The following BANK1 variants were observed in gnomAD, a reference collection of about 807,000 sequenced individuals.
BANK1 encodes the protein B-cell scaffold protein with ankyrin repeats.
Under a neutral mutation model 94.5 loss-of-function variants are expected in BANK1, and 95 were observed. That is an observed-to-expected ratio of 1.00 (90% confidence interval 0.85 to 1.19). The LOEUF (loss-of-function observed/expected upper bound fraction) is 1.19, where lower values mean the gene tolerates loss of function less well. Among genes scored for constraint, BANK1 ranks in the 50% most tolerant of loss-of-function variants. BANK1 has a pLI of 0.00. For synonymous variants in BANK1, 334 were observed against 308.4 expected (o/e 1.08, Z -0.87); for missense variants, 987 against 932.2 (o/e 1.06, Z -0.77).
chr4:101,939,501 T>C (rs1374587181), intron 7 of BANK1, among the ~76,000 whole-genome samples: 3 of 151,724 alleles, frequency 2.0e-5, no homozygotes, highest in Non-Finnish European at 4.4e-5. Context: ...GCCTCCATCT[T>C]GTAGCAGCAT....
intron 7 of BANK1, among the ~76,000 whole-genome samples, chr4:101,947,059 C>A (rs1251663768): frequency 6.6e-6 from 1 of 151,516 alleles, no homozygotes; most frequent in Non-Finnish European, 1.5e-5. Flanking sequence ...TCAACACTCA[C>A]AGGACAGATT....
chr4:101,934,362 T>C (rs1184205580), intron 7 of BANK1, among the ~76,000 whole-genome samples: 2 of 151,350 alleles, frequency 1.3e-5, no homozygotes, highest in African/African-American at 4.8e-5. Context: ...GACCTTGACA[T>C]ACTAAGAAGC....
chr4:101,901,083 G>A (rs1722267438), intron 6 of BANK1, among the ~76,000 whole-genome samples: 1 of 152,152 alleles, frequency 6.6e-6, no homozygotes, highest in Non-Finnish European at 1.5e-5. Flanking sequence ...AAAATAACTT[G>A]TGATATACAC....
chr4:101,835,585 C>A (rs567943041), intron 2 of BANK1, among the ~76,000 whole-genome samples: 1 of 152,262 alleles, frequency 6.6e-6, no homozygotes, highest in Admixed American at 6.5e-5. Context: ...AGTAATGTAA[C>A]AGTAGAATTA....
At chr4:101,939,656 G>A (rs1311771047) in intron 7 of BANK1, among the ~76,000 whole-genome samples, 10 of 151,740 alleles carry the variant, frequency 6.6e-5, no homozygotes, top group Non-Finnish European at 1.5e-5. Context: ...CAGCCACATG[G>A]TCCCAGCTTA....
intron 1 of BANK1, among the ~76,000 whole-genome samples, chr4:101,826,089 C>A (rs1285268530): frequency 6.6e-6 from 1 of 151,996 alleles, no homozygotes; most frequent in Non-Finnish European, 1.5e-5. Context: ...TCTGTAAATT[C>A]TTCATAGATT....
At chr4:101,846,854 A>C (rs745692572) in intron 2 of BANK1, among the ~76,000 whole-genome samples, 3 of 152,212 alleles carry the variant, frequency 2.0e-5, no homozygotes, top group African/African-American at 4.8e-5. Flanking sequence ...AGTAGTGATC[A>C]AGGTTCTCTG....
At chr4:101,819,494 A>G (rs1726056464) in intron 1 of BANK1, among the ~76,000 whole-genome samples, 1 of 152,186 alleles carries the variant, frequency 6.6e-6, no homozygotes, top group African/African-American at 2.4e-5. Flanking sequence ...TAGGCTATAC[A>G]TTTCAGGTTT....
At chr4:101,827,946 T>A (rs568306001) in intron 1 of BANK1, among the ~76,000 whole-genome samples, 2 of 152,108 alleles carry the variant, frequency 1.3e-5, no homozygotes, top group Admixed American at 1.3e-4. Context: ...AAACATAAGA[T>A]AAGTATTTGT....
intron 5 of BANK1, among the ~76,000 whole-genome samples, chr4:101,893,567 C>G (rs1438783713): frequency 6.6e-6 from 1 of 151,994 alleles, no homozygotes; most frequent in African/African-American, 2.4e-5. Flanking sequence ...GTTTGTATCA[C>G]TAAAACACTT....
At chr4:102,062,901 T>C in intron 12 of BANK1, 174 bp from the exon 13 acceptor site, 1 of 570,122 alleles carries the variant, frequency 1.8e-6, no homozygotes, top group South Asian at 2.3e-5. Context: ...TTCATTAAGC[T>C]GTGAGAATTA....
intron 6 of BANK1, among the ~76,000 whole-genome samples, chr4:101,915,173 A>G (rs771731231): frequency 7.2e-5 from 11 of 152,198 alleles, no homozygotes; most frequent in Non-Finnish European, 1.5e-4. Flanking sequence ...ACATAGGTTT[A>G]ATAACCGATT....
intron 7 of BANK1, among the ~76,000 whole-genome samples, chr4:102,007,081 A>AATATAT (rs1227368517): frequency 1.5e-5 from 1 of 64,908 alleles, no homozygotes; most frequent in Non-Finnish European, 4.0e-5. Flanking sequence ...TATATATATA[A>AATATAT]ATATATATAT....
At chr4:101,949,844 T>G (rs1390764619) in intron 7 of BANK1, among the ~76,000 whole-genome samples, 1 of 152,146 alleles carries the variant, frequency 6.6e-6, no homozygotes, top group Non-Finnish European at 1.5e-5. Flanking sequence ...AATTTCTTTA[T>G]CAATAAGTAC....
At chr4:102,007,141 ATATTT>A (rs1578451203) in intron 7 of BANK1, among the ~76,000 whole-genome samples, 2 of 14,922 alleles carry the variant, frequency 1.3e-4, no homozygotes, top group African/African-American at 3.0e-4. Flanking sequence ...TATAAAAAAT[ATATTT>A]TATATATATA....
At position 101,902,276 on chromosome 4, in the gene BANK1, A is replaced by G. The variant is rs1317381459; in HGVS notation, c.1009+6866A>G. 3.9e-5 allele frequency among the ~76,000 whole-genome samples: 6 copies of G among 152,236 alleles called. 1 individual carries two copies. Among genetic ancestry groups the G allele is most frequent in the East Asian group, 3.8e-4 (2 of 5,204 alleles). The stretch of plus-strand genomic sequence containing the variant: ...ATAAGAAATTATCTTCCTCGTGATC[A>G]TTATCTACAAGATGCAAATGGAAAT... On this transcript the variant is annotated intron_variant, in intron 6 of 16. Transcript: ENST00000322953.
At chr4:101,930,247 CTCTT>C (rs1010581025) in intron 7 of BANK1, among the ~76,000 whole-genome samples, 1 of 151,066 alleles carries the variant, frequency 6.6e-6, no homozygotes, top group Admixed American at 6.6e-5. Flanking sequence ...CCCCCATTCT[CTCTT>C]TGTGTGTGGG....
At position 102,021,609 on chromosome 4, in the gene BANK1, TATATATATATATGACATATTC is replaced by T; in HGVS notation, c.1285+28_1285+48del. Reference sequence around the variant, plus strand: ...ATATTCCTTGTAAGTTTTTCCATGTTATATATATATATGACATATTCATATATATATCACATATATATGTGA... The same window carrying T: ...ATATTCCTTGTAAGTTTTTCCATGTTATATATATATCACATATATATGTGA... On this transcript the variant is annotated intron_variant, in intron 8 of 16. Transcript: ENST00000322953. The T allele has an allele frequency of 2.2e-6, 2 of 908,442 alleles. No individual in the cohort carries two copies. Among genetic ancestry groups the T allele is most frequent in the Non-Finnish European group, 3.1e-6 (2 of 644,974 alleles). The allele number at this position is 908,442 out of a possible 1,614,324, so 56.3% of individuals were successfully genotyped here.
chr4:101,957,893 G>A (rs1180330825), intron 7 of BANK1, among the ~76,000 whole-genome samples: 1 of 144,620 alleles, frequency 6.9e-6, no homozygotes, highest in Non-Finnish European at 1.5e-5. Context: ...CGCCCAGGCT[G>A]GAATGCAGTG....
Sources: allele counts gnomAD v4.1 joint callset (sites outside exome capture counted in the v4.1 genomes callset), GRCh38; gene constraint gnomAD v4.1.1; transcripts MANE v1.5; gene names NCBI Gene and HGNC (gene_info 2026-07-23, HGNC 2026-07-21).